SAMSN1: variants seen among roughly 807,000 people sequenced by gnomAD.
SAMSN1 encodes the protein SAM domain-containing protein SAMSN-1.
SAMSN1 carries 31 observed loss-of-function variants against 42.0 expected under a neutral mutation model. The ratio of observed to expected loss-of-function variants is 0.74; its 90% CI spans 0.55 to 1.00. SAMSN1 has a LOEUF of 1.00. SAMSN1 is among the 50% of genes least tolerant of loss of function. The probability of loss-of-function intolerance (pLI) is 0.00; values close to 1 mark genes in which losing one functional copy is unlikely to be tolerated. For missense variants in SAMSN1, 464 were observed against 439.4 expected, an observed-to-expected ratio of 1.06 and a Z score of -0.50; for synonymous variants, 178 against 151.9, an observed-to-expected ratio of 1.17 and a Z score of -1.26.
chr21:14,592,626 A>C (rs1356183775), intron 7 of SAMSN1: 3 of 382,522 alleles, frequency 7.8e-6, no homozygotes, highest in South Asian at 5.8e-5. Flanking sequence ...GTTACTTTAC[A>C]TAAATTCTTG....
chr21:14,651,185 C>T (rs542488075), intron 1 of SAMSN1, among the ~76,000 whole-genome samples: 1 of 151,328 alleles, frequency 6.6e-6, no homozygotes, highest in East Asian at 1.9e-4. Context: ...TCTATGAGGC[C>T]AATATTACTG....
intron 1 of SAMSN1, among the ~76,000 whole-genome samples, chr21:14,539,438 A>G (rs1003813827): frequency 6.6e-6 from 1 of 152,208 alleles, no homozygotes; most frequent in Admixed American, 6.5e-5. Flanking sequence ...AGGCAACTTC[A>G]GTAAAGTCTC....
At chr21:14,589,262 C>T (rs1038158730) in intron 7 of SAMSN1, among the ~76,000 whole-genome samples, 4 of 152,056 alleles carry the variant, frequency 2.6e-5, no homozygotes, top group African/African-American at 9.7e-5. Context: ...TGAGAAAACT[C>T]AGAGAAGTTA....
chr21:14,576,749 G>T (rs1410106319), intron 2 of SAMSN1, among the ~76,000 whole-genome samples: 2 of 151,950 alleles, frequency 1.3e-5, no homozygotes, highest in Non-Finnish European at 2.9e-5. Flanking sequence ...GTACAGCTTT[G>T]TTTATGTTCT....
upstream of SAMSN1, among the ~76,000 whole-genome samples, chr21:14,550,160 G>T (rs982022199): frequency 6.6e-5 from 10 of 152,182 alleles, no homozygotes; most frequent in Middle Eastern, 3.4e-3. Flanking sequence ...ATGACGGGAT[G>T]GATATTCCCC....
At chr21:14,632,929 C>G (rs757894062) in intron 2 of SAMSN1, among the ~76,000 whole-genome samples, 2 of 152,144 alleles carry the variant, frequency 1.3e-5, no homozygotes, top group African/African-American at 4.8e-5. Flanking sequence ...TGGAATCTGG[C>G]TTCATTATAG....
intron 7 of SAMSN1, chr21:14,592,590 A>G (rs1372227965): frequency 1.1e-5 from 4 of 351,760 alleles, no homozygotes; most frequent in Admixed American, 7.5e-5. Flanking sequence ...CCTTGGGGAC[A>G]TTTGACTACA....
At chr21:14,555,613 G>T (rs1481659940) in intron 2 of SAMSN1, among the ~76,000 whole-genome samples, 1 of 152,142 alleles carries the variant, frequency 6.6e-6, no homozygotes, top group African/African-American at 2.4e-5. Flanking sequence ...ATTCTTACAT[G>T]TAAGTGATTG....
rs1981525451 is a variant in SAMSN1, at chr21:14,577,268, ATATATATATATATATAT to A, written c.261+4851_261+4867del. Reference sequence around the variant, plus strand: ...TATATATATATATATATATATATATATATATATATATATATATTTTTTTTTTAGAAGAGACAGGGTTT... The same window carrying A: ...TATATATATATATATATATATATATATTTTTTTTTAGAAGAGACAGGGTTT... On this transcript the variant is annotated intron_variant, in intron 2 of 8. Transcript: ENST00000285670. Among the ~76,000 whole-genome samples the A allele has an allele frequency of 1.1e-3, 49 of 45,860 alleles. 5 individuals are homozygous for A. The highest frequency in any genetic ancestry group is 1.5e-4 in the African/African-American group (1 of 6,804). 30.1% of individuals were successfully genotyped at this position (45,860 alleles called of 152,430 possible). A position where few individuals can be genotyped will look rare whatever the true frequency, so the allele number is the denominator to read the frequency against.
chr21:14,580,714 T>C (rs1981678355), intron 2 of SAMSN1, among the ~76,000 whole-genome samples: 1 of 152,258 alleles, frequency 6.6e-6, no homozygotes, highest in Non-Finnish European at 1.5e-5. Flanking sequence ...GCAGACTTAA[T>C]GCACAAATCT....
At chr21:14,505,449 T>C (rs770019149) in intron 5 of SAMSN1, among the ~76,000 whole-genome samples, 2 of 152,220 alleles carry the variant, frequency 1.3e-5, no homozygotes, top group Non-Finnish European at 2.9e-5. Context: ...GAATAGTTAC[T>C]GTTATATCAG....
upstream of SAMSN1, chr21:14,658,823 C>G: frequency 1.4e-6 from 1 of 714,534 alleles, no homozygotes; most frequent in Middle Eastern, 2.3e-4. Flanking sequence ...ATGATTGCCT[C>G]TTGTAGCTCT....
chr21:14,498,610 T>C lies in SAMSN1; in HGVS notation c.769-18A>G. 6.5e-7 allele frequency: 1 copy of C among 1,537,138 alleles called. No homozygotes were observed. Among genetic ancestry groups the C allele is most frequent in the South Asian group, 1.2e-5 (1 of 80,026 alleles). On this transcript the variant is annotated intron_variant, in intron 6 of 7. Coordinates refer to ENST00000400566, the MANE Select transcript of SAMSN1 (RefSeq NM_022136.5). ...GTGTATTCCTGTAAGACAAAAAATA[T>C]AAAGCAAATTAGTCAGATTCAAATA...
At chr21:14,530,105 A>T (rs1276246994) in intron 1 of SAMSN1, among the ~76,000 whole-genome samples, 2 of 152,170 alleles carry the variant, frequency 1.3e-5, no homozygotes, top group South Asian at 2.1e-4. Flanking sequence ...TCACGAGGTC[A>T]GGAGATCCAG....
Position 14,504,126 on chromosome 21 carries a change from C to T in SAMSN1, c.562-3391G>A, listed in dbSNP as rs372570172. Among the ~76,000 whole-genome samples, 34 of 152,216 alleles carry T rather than the reference C, an allele frequency of 2.2e-4. No individual in the cohort carries two copies. In the East Asian group the frequency reaches 4.1e-3, roughly 18 times the overall value. On this transcript the variant is annotated intron_variant, in intron 5 of 7. Coordinates refer to ENST00000400566, the MANE Select transcript of SAMSN1 (RefSeq NM_022136.5). The stretch of plus-strand genomic sequence containing the variant: ...CAACAGCCTTCAGTCCTAGACCTTC[C>T]CTCTGACAGAAACTACCCAAATGAG...
intron 1 of SAMSN1, among the ~76,000 whole-genome samples, chr21:14,648,292 G>C (rs1239770136): frequency 2.0e-5 from 3 of 152,036 alleles, no homozygotes; most frequent in Admixed American, 6.5e-5. Context: ...AGACTTAAAC[G>C]TTAGACCTAA....
intron 7 of SAMSN1, among the ~76,000 whole-genome samples, chr21:14,494,105 G>A (rs1415044048): frequency 2.0e-5 from 3 of 152,226 alleles, no homozygotes; most frequent in African/African-American, 7.2e-5. Context: ...CTTTTACACT[G>A]TTAGTGGGAA....
At chr21:14,590,616 G>C (rs544163273) in intron 7 of SAMSN1, among the ~76,000 whole-genome samples, 1 of 152,058 alleles carries the variant, frequency 6.6e-6, no homozygotes, top group East Asian at 1.9e-4. Flanking sequence ...AATGTATTTA[G>C]AAGGCAGATT....
intron 6 of SAMSN1, among the ~76,000 whole-genome samples, chr21:14,600,320 C>T (rs945337917): frequency 7.9e-5 from 12 of 152,140 alleles, no homozygotes; most frequent in African/African-American, 2.9e-4. Context: ...GCATAACACT[C>T]TTTGTTAAAC....
Sources: allele counts gnomAD v4.1 joint callset (sites outside exome capture counted in the v4.1 genomes callset), GRCh38; gene constraint gnomAD v4.1.1; transcripts MANE v1.5; gene names NCBI Gene and HGNC (gene_info 2026-07-23, HGNC 2026-07-21).